The following CAST variants were observed in gnomAD, a reference collection of about 807,000 sequenced individuals.
CAST encodes the protein calpastatin, also known as MIR583 host.
Under a neutral mutation model 119.6 loss-of-function variants are expected in CAST, and 76 were observed. The observed-to-expected ratio is 0.64, with a 90% CI of 0.53 to 0.77. The LOEUF is 0.77. CAST is among the 30% of genes least tolerant of loss of function. The pLI is 0.00. For synonymous variants in CAST, 319 were observed against 331.6 expected (o/e 0.96, Z 0.41); for missense variants, 953 against 946.5 (o/e 1.01, Z -0.09).
At chr5:96,675,845 G>A (rs888094041) in intron 2 of CAST, 2 of 390,572 alleles carry the variant, frequency 5.1e-6, no homozygotes, top group Non-Finnish European at 9.1e-6. Context: ...TGTTGCTTAG[G>A]GTGTTTTCCC....
At chr5:96,758,516 CT>C (rs1265312104) in intron 24 of CAST, among the ~76,000 whole-genome samples, 1 of 152,058 alleles carries the variant, frequency 6.6e-6, no homozygotes, top group Admixed American at 6.5e-5. Flanking sequence ...TTTTAAACCA[CT>C]GAATGTATTA....
chr5:96,476,200 C>CTGTT, the CAST span, among the ~76,000 whole-genome samples: 3 of 152,130 alleles, frequency 2.0e-5, no homozygotes, highest in Non-Finnish European at 2.9e-5. Context: ...AATAAAGAAG[C>CTGTT]TGTTGTTTTA....
At chr5:96,306,313 A>G in the CAST span, among the ~76,000 whole-genome samples, 1 of 151,800 alleles carries the variant, frequency 6.6e-6, no homozygotes, top group African/African-American at 2.4e-5. Context: ...TCATTTTTAT[A>G]GTGTCTATTT....
the CAST span, among the ~76,000 whole-genome samples, chr5:96,486,593 C>T: frequency 6.6e-6 from 1 of 152,178 alleles, no homozygotes; most frequent in Non-Finnish European, 1.5e-5. Flanking sequence ...GTTGAGCAGA[C>T]AGAGCGTCTC....
chr5:96,119,789 T>G, the CAST span, among the ~76,000 whole-genome samples: 21 of 152,126 alleles, frequency 1.4e-4, no homozygotes, highest in African/African-American at 5.1e-4. Context: ...TGTTATGTAT[T>G]ATGTACGCCT....
the CAST span, among the ~76,000 whole-genome samples, chr5:96,310,599 CTT>C: frequency 6.7e-6 from 1 of 149,732 alleles, no homozygotes; most frequent in Non-Finnish European, 1.5e-5. Context: ...GGATTACTGA[CTT>C]AATCTCTTAA....
chr5:96,348,517 T>A, the CAST span, among the ~76,000 whole-genome samples: 2 of 152,024 alleles, frequency 1.3e-5, no homozygotes, highest in African/African-American at 4.8e-5. Context: ...AATCTCCATA[T>A]TGCAACAGAA....
At chr5:96,497,456 A>G in the CAST span, among the ~76,000 whole-genome samples, 130,594 of 148,158 alleles carry the variant, frequency 0.88, 58,220 homozygotes, top group Middle Eastern at 0.97. Context: ...ACAATGGTTG[A>G]ACTAGTTTAC....
chr5:96,684,605 C>G (rs1751834099), intron 2 of CAST, among the ~76,000 whole-genome samples: 1 of 151,656 alleles, frequency 6.6e-6, no homozygotes, highest in Non-Finnish European at 1.5e-5. Context: ...CTTTGTTGCC[C>G]AGGCTGGAGT....
the CAST span, among the ~76,000 whole-genome samples, chr5:95,975,950 C>G: frequency 3.3e-5 from 5 of 152,108 alleles, no homozygotes; most frequent in Admixed American, 3.3e-4. Flanking sequence ...CCACCCTATT[C>G]TGGTCATGTT....
the CAST span, among the ~76,000 whole-genome samples, chr5:96,356,210 T>C: frequency 6.6e-6 from 1 of 152,318 alleles, no homozygotes; most frequent in South Asian, 2.1e-4. Context: ...TTTGTTTAAG[T>C]TCCTTGTAGA....
chr5:96,699,412 G>T (rs945678649), intron 3 of CAST, among the ~76,000 whole-genome samples: 3 of 152,186 alleles, frequency 2.0e-5, no homozygotes, highest in East Asian at 1.9e-4. Context: ...GGGGTAGCTG[G>T]TAGAGAAATC....
chr5:96,453,263 G>C, the CAST span, among the ~76,000 whole-genome samples: 1 of 152,154 alleles, frequency 6.6e-6, no homozygotes, highest in African/African-American at 2.4e-5. Context: ...AATGCATTGA[G>C]TTTTGAACTC....
chr5:96,078,477 T>A, the CAST span, among the ~76,000 whole-genome samples: 2 of 151,776 alleles, frequency 1.3e-5, no homozygotes, highest in African/African-American at 2.4e-5. Flanking sequence ...CACTGCAACC[T>A]CCGCCTCCCA....
At chr5:96,615,220 G>A (rs1270402643) in intron 1 of CAST, among the ~76,000 whole-genome samples, 1 of 152,190 alleles carries the variant, frequency 6.6e-6, no homozygotes, top group Non-Finnish European at 1.5e-5. Flanking sequence ...GGTAAGCTAG[G>A]CTAAACTATG....
chr5:96,439,381 AAATGAAATGTT>A, the CAST span, among the ~76,000 whole-genome samples: 1 of 152,164 alleles, frequency 6.6e-6, no homozygotes, highest in Non-Finnish European at 1.5e-5. Flanking sequence ...AGACCCAAGA[AAATGAAATGTT>A]AATCCAGCAG....
At chr5:96,111,480 G>T in the CAST span, among the ~76,000 whole-genome samples, 1 of 152,170 alleles carries the variant, frequency 6.6e-6, no homozygotes, top group African/African-American at 2.4e-5. Flanking sequence ...CCCAGATGGG[G>T]CTGAAGGTTT....
the CAST span, among the ~76,000 whole-genome samples, chr5:96,284,343 C>G: frequency 4.6e-5 from 7 of 152,164 alleles, no homozygotes; most frequent in African/African-American, 1.7e-4. Context: ...TTCAGACACC[C>G]TGAAAGTGTC....
the CAST span, chr5:96,400,257 A>G: frequency 1.0e-6 from 1 of 994,288 alleles, no homozygotes; most frequent in Non-Finnish European, 1.6e-6. Context: ...AGTGCTAACA[A>G]TAAGCATCTC....
Sources: allele counts gnomAD v4.1 joint callset (sites outside exome capture counted in the v4.1 genomes callset), GRCh38; gene constraint gnomAD v4.1.1; transcripts MANE v1.5; gene names NCBI Gene and HGNC (gene_info 2026-07-23, HGNC 2026-07-21).